Variants in OAF observed in about 807,000 individuals in gnomAD.
OAF encodes the protein out at first protein homolog.
In OAF, 13 loss-of-function variants were observed where a neutral mutation model predicts 22.5. The observed-to-expected ratio is 0.58, with a 90% confidence interval of 0.38 to 0.92. The LOEUF is 0.92. OAF is among the 40% of genes least tolerant of loss of function. The pLI is 0.00. For synonymous variants in OAF, 175 were observed against 170.5 expected, an observed-to-expected ratio of 1.03 and a Z score of -0.21; for missense variants, 347 against 381.8, an observed-to-expected ratio of 0.91 and a Z score of 0.76.
At chr11:120,217,411 C>A (rs1382692104) in intron 1 of OAF, 1 of 152,006 alleles carries the variant, frequency 6.6e-6, no homozygotes, top group Non-Finnish European at 1.5e-5. Context: ...AAACCCTGTC[C>A]CTACTGAAAA....
chr11:120,225,605 G>A, intron 1 of OAF, 56 bp from the exon 2 acceptor site: 3 of 1,476,966 alleles, frequency 2.0e-6, no homozygotes, highest in South Asian at 1.4e-5. Context: ...CACCCGGTGG[G>A]CCAGTGGGAA....
intron 1 of OAF, among the ~76,000 whole-genome samples, chr11:120,212,582 G>GCCCGGGGC (rs1453730318): frequency 6.6e-6 from 1 of 151,590 alleles, no homozygotes; most frequent in African/African-American, 2.4e-5. Context: ...AGCTGGGGGA[G>GCCCGGGGC]CCCGGGGCCC....
At chr11:120,226,585 G>T (rs1162602331) in intron 2 of OAF, among the ~76,000 whole-genome samples, 3 of 152,258 alleles carry the variant, frequency 2.0e-5, no homozygotes, top group Non-Finnish European at 2.9e-5. Context: ...CAGCCCAGTG[G>T]CCAGCACATA....
chr11:120,229,036 C>T lies in OAF; in HGVS notation c.716C>T (p.Thr239Met), dbSNP rs771724362. The change falls in exon 4 of 4, where the codon ACG (threonine) becomes ATG (methionine). Residue 239 changes from threonine to methionine, a missense_variant. Physicochemically the swap from Thr to Met is moderately conservative, Grantham distance 81. Coordinates refer to ENST00000328965, the MANE Select transcript of OAF (RefSeq NM_178507.4). ...LKYCHSRDRP[T>M]PYKCGIRSCQ... The stretch of plus-strand genomic sequence containing the variant: ...TACTGCCACAGCCGCGACCGGCCCA[C>T]GCCCTACAAGTGTGGCATCCGCAGC... 8.1e-6 allele frequency: 13 copies of T among 1,613,520 alleles called. No homozygotes were observed. The highest frequency in any genetic ancestry group is 5.0e-5 in the Admixed American group (3 of 60,008).
chr11:120,215,572 A>G (rs73006625), intron 1 of OAF, among the ~76,000 whole-genome samples: 19 of 152,314 alleles, frequency 1.2e-4, no homozygotes, highest in Non-Finnish European at 2.8e-4. Flanking sequence ...ACTAATTCAC[A>G]GCGCGCCCTT....
Position 120,219,481 on chromosome 11 carries a change from G to T in OAF, c.232-6180G>T, listed in dbSNP as rs731511. On this transcript the variant is annotated intron_variant, in intron 1 of 3. Transcript: ENST00000328965. ...CAGTCAGGGCTGGTGTGACAGCCCCGCTATCCCCTGGGATCCAGGGGCTCC... is the reference window on the plus strand; with the variant it reads ...CAGTCAGGGCTGGTGTGACAGCCCCTCTATCCCCTGGGATCCAGGGGCTCC... Among the ~76,000 whole-genome samples the T allele has an allele frequency of 4.8e-3, 733 of 152,276 alleles. 6 individuals carry two copies. The highest frequency in any genetic ancestry group is 0.016 in the African/African-American group (651 of 41,548).
At chr11:120,227,915 C>A (rs1319257594) in intron 3 of OAF, among the ~76,000 whole-genome samples, 1 of 152,122 alleles carries the variant, frequency 6.6e-6, no homozygotes, top group Admixed American at 6.5e-5. Flanking sequence ...CCTCCAGAAG[C>A]TGGCCCCTCC....
rs1938364372 is a variant in OAF at position 120,226,840 on chromosome 11, G to T, written c.391G>T (p.Ala131Ser). Residue 131 changes from alanine to serine, a missense_variant, in exon 3 of 4, where the codon GCG becomes TCG. Ala to Ser is a moderately conservative substitution (Grantham distance 99). Coordinates refer to ENST00000328965, the MANE Select transcript of OAF (RefSeq NM_178507.4). ...GAAAAATCCCCGGGCAGTGCGGCAGGCGGAGGAGGTTCGGGGTCTGGAGCA... is the reference window on the plus strand; with the variant it reads ...GAAAAATCCCCGGGCAGTGCGGCAGTCGGAGGAGGTTCGGGGTCTGGAGCA... The part of the protein sequence containing the change: ...RQKNPRAVRQ[A>S]EEVRGLEHLH... 2 of 1,605,570 alleles carry T rather than the reference G, an allele frequency of 1.2e-6. No homozygotes were observed. Among genetic ancestry groups the T allele is most frequent in the Admixed American group, 3.4e-5 (2 of 59,638 alleles).
At position 120,229,022 on chromosome 11, in the gene OAF, C is replaced by T. The variant is rs914418685; in HGVS notation, c.702C>T (p.Ser234=). 6 of 1,613,496 alleles carry T rather than the reference C, an allele frequency of 3.7e-6. No individual in the cohort carries two copies. The African/African-American group carries it at 6.7e-5, about 18-fold the overall frequency. The change falls in exon 4 of 4, where the codon AGC becomes AGT. Residue 234 remains serine (S), a synonymous_variant. Transcript: ENST00000328965. ...WYPCMLKYCH[S]RDRPTPYKCG... ...CCTGCATGCTCAAGTACTGCCACAG[C>T]CGCGACCGGCCCACGCCCTACAAGT...
At chr11:120,226,530 C>T (rs148056398) in intron 2 of OAF, among the ~76,000 whole-genome samples, 4 of 152,372 alleles carry the variant, frequency 2.6e-5, no homozygotes, top group Non-Finnish European at 5.9e-5. Context: ...CACCCACCTC[C>T]ACCTCCCATC....
intron 1 of OAF, 64 bp from the exon 2 acceptor site, chr11:120,225,597 C>G: frequency 6.9e-7 from 1 of 1,455,840 alleles, no homozygotes; most frequent in East Asian, 2.7e-5. Flanking sequence ...AAGCTGAGCA[C>G]CCGGTGGGCC....
intron 3 of OAF, among the ~76,000 whole-genome samples, chr11:120,227,993 TC>T (rs1938385203): frequency 6.6e-6 from 1 of 151,780 alleles, no homozygotes; most frequent in African/African-American, 2.4e-5. Flanking sequence ...ATGCACACTT[TC>T]CCATTTGATC....
At position 120,229,230 on chromosome 11, in the gene OAF, A is replaced by G. The variant is rs1369952950; in HGVS notation, c.*88A>G. 5 of 1,211,794 alleles carry G rather than the reference A, an allele frequency of 4.1e-6. No homozygotes were observed. Among genetic ancestry groups the G allele is most frequent in the African/African-American group, 1.5e-5 (1 of 65,838 alleles). The allele number at this position is 1,211,794 out of a possible 1,614,324, so 75.1% of individuals were successfully genotyped here. The stretch of plus-strand genomic sequence containing the variant: ...GGTGGCAACCCCCACCTGAGGCCTT[A>G]TTTCCCTCCCTCCCCACTCCCCTGG... On this transcript the variant is annotated 3_prime_UTR_variant, in exon 4 of 4. Coordinates refer to ENST00000328965, the MANE Select transcript of OAF (RefSeq NM_178507.4).
At chr11:120,222,411 C>G (rs1938290052) in intron 1 of OAF, among the ~76,000 whole-genome samples, 2 of 152,052 alleles carry the variant, frequency 1.3e-5, no homozygotes. Context: ...CAAAAATTAG[C>G]CGGGCATGGT....
chr11:120,229,381 A>T lies in OAF; in HGVS notation c.*239A>T. The stretch of plus-strand genomic sequence containing the variant: ...CTTCCTTGCGGGCAGAGAGGGAGAG[A>T]AGGGCTCCCCAGATCTACACCCCTC... On this transcript the variant is annotated 3_prime_UTR_variant, in exon 4 of 4. Coordinates refer to ENST00000328965, the MANE Select transcript of OAF (RefSeq NM_178507.4). The T allele has an allele frequency of 3.1e-5, 7 of 229,440 alleles. No individual in the cohort carries two copies. Among genetic ancestry groups the T allele is most frequent in the African/African-American group, 9.0e-5 (2 of 22,292 alleles). 14.2% of individuals were successfully genotyped at this position (229,440 alleles called of 1,614,324 possible). A position where few individuals can be genotyped will look rare whatever the true frequency, so the allele number is the denominator to read the frequency against.
intron 1 of OAF, among the ~76,000 whole-genome samples, chr11:120,217,668 C>A (rs1260624021): frequency 6.6e-6 from 1 of 152,196 alleles, no homozygotes; most frequent in Admixed American, 6.5e-5. Context: ...TGTGACTTGG[C>A]AAGTCACTTA....
intron 1 of OAF, among the ~76,000 whole-genome samples, chr11:120,221,539 A>T (rs1938279372): frequency 6.6e-6 from 1 of 152,206 alleles, no homozygotes; most frequent in Admixed American, 6.5e-5. Flanking sequence ...TGAGGTAGAT[A>T]CTATCATTTT....
intron 1 of OAF, among the ~76,000 whole-genome samples, chr11:120,220,745 T>C (rs1938270495): frequency 6.6e-6 from 1 of 152,138 alleles, no homozygotes; most frequent in South Asian, 2.1e-4. Context: ...CAGAAAGGCC[T>C]AGGGGTGACA....
At chr11:120,227,258 T>C (rs1212692623) in intron 3 of OAF, among the ~76,000 whole-genome samples, 1 of 152,128 alleles carries the variant, frequency 6.6e-6, no homozygotes, top group Non-Finnish European at 1.5e-5. Flanking sequence ...TAGAATACCA[T>C]GATAGCTACA....
Sources: gnomAD v4.1 joint callset for allele counts (sites outside exome capture counted in the v4.1 genomes callset) on GRCh38, gnomAD v4.1.1 for gene constraint, MANE v1.5 for transcripts, NCBI Gene and HGNC (gene_info 2026-07-23, HGNC 2026-07-21) for gene names.